The following PDE6D variants were observed in gnomAD, a reference collection of about 807,000 sequenced individuals.
The protein encoded by PDE6D is retinal rod rhodopsin-sensitive cGMP 3',5'-cyclic phosphodiesterase subunit delta.
A neutral mutation model predicts 21.9 loss-of-function variants in PDE6D; 10 were observed. That is an observed-to-expected ratio of 0.46 (90% CI 0.28 to 0.78). PDE6D has a LOEUF of 0.78. Ranked by LOEUF, PDE6D falls within the 30% of genes least tolerant of loss-of-function variation. The probability of loss-of-function intolerance (pLI) is 0.12; values close to 1 mark genes in which losing one functional copy is unlikely to be tolerated. For missense variants in PDE6D, 139 were observed against 184.8 expected (o/e 0.75, Z 1.44); for synonymous variants, 59 against 63.5 (o/e 0.93, Z 0.34).
intron 1 of PDE6D, among the ~76,000 whole-genome samples, chr2:231,775,550 T>C (rs1196120429): frequency 2.0e-5 from 3 of 150,372 alleles, no homozygotes; most frequent in Non-Finnish European, 4.4e-5. Flanking sequence ...CTCAAACTTC[T>C]AGGCTCAAGC....
intron 1 of PDE6D, among the ~76,000 whole-genome samples, chr2:231,754,854 G>A (rs941387663): frequency 1.3e-5 from 2 of 152,114 alleles, no homozygotes; most frequent in African/African-American, 2.4e-5. Flanking sequence ...TTCTTGCTCT[G>A]CTATCACCTT....
At chr2:231,754,819 G>C (rs529696816) in intron 1 of PDE6D, among the ~76,000 whole-genome samples, 27 of 152,214 alleles carry the variant, frequency 1.8e-4, no homozygotes, top group African/African-American at 6.5e-4. Context: ...CAAGGTTACA[G>C]AGCAACGATA....
chr2:231,733,288 A>C (rs12466215), intron 4 of PDE6D, among the ~76,000 whole-genome samples: 4 of 152,088 alleles, frequency 2.6e-5, no homozygotes, highest in Admixed American at 2.6e-4. Flanking sequence ...TCCTTGGTAC[A>C]CTCTAAAGCC....
At chr2:231,736,173 T>C (rs923776623) in intron 4 of PDE6D, among the ~76,000 whole-genome samples, 1 of 152,024 alleles carries the variant, frequency 6.6e-6, no homozygotes, top group Non-Finnish European at 1.5e-5. Context: ...ACCCTGTTTT[T>C]TAAAAAAATA....
chr2:231,759,758 CAACA>C (rs1351664627), intron 1 of PDE6D, among the ~76,000 whole-genome samples: 1 of 152,136 alleles, frequency 6.6e-6, no homozygotes, highest in African/African-American at 2.4e-5. Context: ...TAGGAACTAA[CAACA>C]AACAGTGAAC....
At chr2:231,737,635 C>T in intron 3 of PDE6D, 1 of 302,732 alleles carries the variant, frequency 3.3e-6, no homozygotes. Flanking sequence ...GCTTATGTGC[C>T]CTTTACACTG....
chr2:231,774,421 A>T (rs541994332), intron 1 of PDE6D, among the ~76,000 whole-genome samples: 1 of 152,266 alleles, frequency 6.6e-6, no homozygotes, highest in African/African-American at 2.4e-5. Flanking sequence ...AGAGGCAGTA[A>T]GTCTAAACCT....
rs2048945541 is a variant in PDE6D, at chr2:231,763,198, T to C, written c.50+17867A>G. Among the ~76,000 whole-genome samples, 4 of 152,326 alleles carry C rather than the reference T, an allele frequency of 2.6e-5. No homozygotes were observed. The South Asian group carries it at 8.3e-4, about 32-fold the overall frequency. ...AATTCAGAGAGAGTATTTATTAGTA[T>C]TTATCTGTCTTGCTAGAGAGCCAAA... On this transcript the variant is annotated intron_variant, in intron 1 of 4. Coordinates refer to ENST00000287600, the MANE Select transcript of PDE6D (RefSeq NM_002601.4).
chr2:231,740,740 A>G (rs1305202529), intron 1 of PDE6D, among the ~76,000 whole-genome samples: 2 of 151,672 alleles, frequency 1.3e-5, no homozygotes, highest in Non-Finnish European at 2.9e-5. Flanking sequence ...GTCCAAGAAT[A>G]GTCCAAGAGT....
intron 1 of PDE6D, among the ~76,000 whole-genome samples, chr2:231,748,111 T>A (rs2048809311): frequency 6.6e-6 from 1 of 152,122 alleles, no homozygotes; most frequent in South Asian, 2.1e-4. Flanking sequence ...AAAAGATACC[T>A]GAAAATGTGG....
At chr2:231,773,478 T>C (rs191290734) in intron 1 of PDE6D, among the ~76,000 whole-genome samples, 1 of 152,356 alleles carries the variant, frequency 6.6e-6, no homozygotes, top group East Asian at 1.9e-4. Context: ...AAGGCAACTG[T>C]ACCAGGGAAT....
At chr2:231,742,849 G>C (rs1364157680) in intron 1 of PDE6D, among the ~76,000 whole-genome samples, 1 of 152,206 alleles carries the variant, frequency 6.6e-6, no homozygotes, top group East Asian at 1.9e-4. Flanking sequence ...GTGCTACCCA[G>C]TTCTGGGGTC....
At chr2:231,772,038 G>T (rs1276918968) in intron 1 of PDE6D, among the ~76,000 whole-genome samples, 1 of 152,066 alleles carries the variant, frequency 6.6e-6, no homozygotes, top group East Asian at 1.9e-4. Context: ...GTTAGAAACT[G>T]GCCTAAACTC....
At chr2:231,735,986 C>A in intron 4 of PDE6D, among the ~76,000 whole-genome samples, 1 of 151,134 alleles carries the variant, frequency 6.6e-6, no homozygotes, top group Admixed American at 6.6e-5. Flanking sequence ...TGAGATCACG[C>A]CACTGCACTC....
rs1275156432 is a variant in PDE6D at position 231,753,398 on chromosome 2, A to G, written c.51-14210T>C. 9.2e-5 allele frequency among the ~76,000 whole-genome samples: 14 copies of G among 151,530 alleles called. No individual in the cohort carries two copies. The East Asian group carries it at 2.6e-3, about 28-fold the overall frequency. On this transcript the variant is annotated intron_variant, in intron 1 of 4. Transcript: ENST00000287600. The stretch of plus-strand genomic sequence containing the variant: ...AAAACCCCAAAAAACAAAAAACAAA[A>G]AACATAGCTGGGCGTGGCGGCACGC...
intron 1 of PDE6D, among the ~76,000 whole-genome samples, chr2:231,780,468 C>T (rs2049102376): frequency 6.6e-6 from 1 of 152,170 alleles, no homozygotes; most frequent in Non-Finnish European, 1.5e-5. Flanking sequence ...CCCACCTCCC[C>T]CAACTACTCC....
intron 1 of PDE6D, among the ~76,000 whole-genome samples, chr2:231,749,698 GT>G (rs1426484454): frequency 1.3e-5 from 2 of 151,862 alleles, no homozygotes; most frequent in Non-Finnish European, 2.9e-5. Context: ...TGCCCGACTA[GT>G]TTTTTGTATT....
Position 231,781,263 on chromosome 2 carries a change from C to T in PDE6D, c.-149G>A, listed in dbSNP as rs1411007018. 1.8e-5 allele frequency: 12 copies of T among 671,288 alleles called. No individual in the cohort carries two copies. Among genetic ancestry groups the T allele is most frequent in the Admixed American group, 2.6e-5 (1 of 38,126 alleles). The allele number at this position is 671,288 out of a possible 1,614,324, so 41.6% of individuals were successfully genotyped here. A position where few individuals can be genotyped will look rare whatever the true frequency, so the allele number is the denominator to read the frequency against. On this transcript the variant is annotated 5_prime_UTR_variant, in exon 1 of 5. Coordinates refer to ENST00000287600, the MANE Select transcript of PDE6D (RefSeq NM_002601.4). ...CAGACCAGGACCGGCCTCTCTCTCC[C>T]CTCAGCTCCCGCTTCTGATCCCTTC...
intron 1 of PDE6D, among the ~76,000 whole-genome samples, chr2:231,762,877 T>A (rs538892615): frequency 6.6e-6 from 1 of 151,586 alleles, no homozygotes; most frequent in South Asian, 2.1e-4. Context: ...GCCGGGAGGA[T>A]CAGCTGAGCC....
Sources: allele counts gnomAD v4.1 joint callset (sites outside exome capture counted in the v4.1 genomes callset), GRCh38; gene constraint gnomAD v4.1.1; transcripts MANE v1.5; gene names NCBI Gene and HGNC (gene_info 2026-07-23, HGNC 2026-07-21).